Variants in ZMYM2 observed in about 807,000 individuals in gnomAD.
ZMYM2 encodes zinc finger MYM-type protein 2.
In ZMYM2, 56 loss-of-function variants were observed where a neutral mutation model predicts 162.8. The observed-to-expected ratio is 0.34, with a 90% CI of 0.28 to 0.43. The LOEUF is 0.43. Among genes scored for constraint, ZMYM2 ranks in the 20% least tolerant of loss-of-function variants. ZMYM2 has a pLI of 1.00. For missense variants in ZMYM2, 1,275 were observed against 1,621.8 expected, an observed-to-expected ratio of 0.79 and a Z score of 3.67; for synonymous variants, 510 against 541.6, an observed-to-expected ratio of 0.94 and a Z score of 0.81.
At chr13:20,043,163 A>G (rs879732341) in intron 12 of ZMYM2, among the ~76,000 whole-genome samples, 2 of 151,816 alleles carry the variant, frequency 1.3e-5, no homozygotes, top group Non-Finnish European at 2.9e-5. Flanking sequence ...GTGTGCTTTA[A>G]CTCCGGGGTA....
intron 9 of ZMYM2, among the ~76,000 whole-genome samples, chr13:20,029,148 G>A (rs183652498): frequency 2.0e-5 from 3 of 152,288 alleles, no homozygotes; most frequent in Admixed American, 6.5e-5. Context: ...CTCATAGTCC[G>A]GAGGTTAGTA....
intron 21 of ZMYM2, among the ~76,000 whole-genome samples, chr13:20,074,970 A>T (rs1258045534): frequency 2.0e-5 from 3 of 152,358 alleles, no homozygotes; most frequent in Non-Finnish European, 4.4e-5. Context: ...CAAAATTTTT[A>T]AAAATTGTGG....
chr13:20,052,732 T>G (rs1034070642), intron 14 of ZMYM2, among the ~76,000 whole-genome samples: 1 of 152,208 alleles, frequency 6.6e-6, no homozygotes, highest in Non-Finnish European at 1.5e-5. Flanking sequence ...AGTAGAAGAT[T>G]GCCAGATAGG....
upstream of ZMYM2, among the ~76,000 whole-genome samples, chr13:19,958,172 G>A (rs928454836): frequency 2.0e-5 from 3 of 152,214 alleles, no homozygotes; most frequent in Admixed American, 6.5e-5. Context: ...CCGCGGTCCC[G>A]AAAGCCCACT....
Position 20,006,412 on chromosome 13 carries a change from G to T in ZMYM2, c.1338G>T (p.Lys446Asn). ...HEVSFKNMTH[K>N]LCSDHCFNRY... The stretch of plus-strand genomic sequence containing the variant: ...TCAGCTTTAAAAATATGACTCATAA[G>T]CTGTGCAGTGACCACTGCTTTAATA... The change falls in exon 6 of 25, where the codon AAG (lysine) becomes AAT (asparagine). Residue 446 changes from lysine to asparagine, a missense_variant. Physicochemically the swap from Lys to Asn is moderately conservative, Grantham distance 94. This residue lies in a region of ZMYM2 where 276 missense variants were observed against 311.8 expected (regional missense o/e 0.89). Coordinates refer to ENST00000610343, the MANE Select transcript of ZMYM2 (RefSeq NM_197968.4). 1 of 1,602,966 alleles carries T rather than the reference G, an allele frequency of 6.2e-7. No individual in the cohort carries two copies. The highest frequency in any genetic ancestry group is 8.5e-7 in the Non-Finnish European group (1 of 1,174,174).
the ZMYM2 span, among the ~76,000 whole-genome samples, chr13:19,944,966 C>T: frequency 9.3e-5 from 14 of 151,194 alleles, no homozygotes; most frequent in Non-Finnish European, 1.8e-4. Context: ...CCACTGCGCC[C>T]GGCCCCTATT....
At chr13:20,064,345 C>T in intron 18 of ZMYM2, 106 bp from the exon 19 acceptor site, 1 of 862,356 alleles carries the variant, frequency 1.2e-6, no homozygotes, top group Non-Finnish European at 1.7e-6. Context: ...TAGATTGTCC[C>T]CATGTATGAA....
At chr13:19,971,775 T>C (rs1956357187) in intron 2 of ZMYM2, among the ~76,000 whole-genome samples, 1 of 151,982 alleles carries the variant, frequency 6.6e-6, no homozygotes, top group South Asian at 2.1e-4. Flanking sequence ...AAATTAAGAA[T>C]GATCTCCAGA....
chr13:20,074,238 G>GAGAGAC (rs1555330332), intron 21 of ZMYM2, among the ~76,000 whole-genome samples: 3 of 120,576 alleles, frequency 2.5e-5, no homozygotes, highest in African/African-American at 1.5e-4. Context: ...GTGTGTGTGT[G>GAGAGAC]AGAGAGACAG....
chr13:20,033,777 G>T (rs1476394601), intron 10 of ZMYM2, among the ~76,000 whole-genome samples: 1 of 152,200 alleles, frequency 6.6e-6, no homozygotes, highest in Non-Finnish European at 1.5e-5. Context: ...GCAGCACGCT[G>T]TGTGATGGCA....
chr13:20,030,619 C>G (rs915134898), intron 9 of ZMYM2, among the ~76,000 whole-genome samples: 2 of 152,102 alleles, frequency 1.3e-5, no homozygotes, highest in Non-Finnish European at 2.9e-5. Context: ...AGGATGGTCT[C>G]GATCTCCTGA....
At chr13:19,894,075 T>C in the ZMYM2 span, among the ~76,000 whole-genome samples, 2 of 151,892 alleles carry the variant, frequency 1.3e-5, no homozygotes, top group Non-Finnish European at 2.9e-5. Context: ...CACAATAAGG[T>C]ATAACCTCAT....
At chr13:20,018,916 C>G (rs1018094962) in intron 6 of ZMYM2, among the ~76,000 whole-genome samples, 3 of 152,006 alleles carry the variant, frequency 2.0e-5, no homozygotes, top group African/African-American at 7.2e-5. Context: ...CCTGTCTCTA[C>G]TAAAAATACA....
At chr13:19,917,250 C>T in the ZMYM2 span, among the ~76,000 whole-genome samples, 1 of 152,110 alleles carries the variant, frequency 6.6e-6, no homozygotes, top group African/African-American at 2.4e-5. Flanking sequence ...GCATGAGCCA[C>T]CACGCCCGGC....
intron 12 of ZMYM2, among the ~76,000 whole-genome samples, chr13:20,039,921 T>A (rs2140409562): frequency 6.6e-6 from 1 of 152,310 alleles, no homozygotes; most frequent in East Asian, 1.9e-4. Context: ...AAACTTGCCA[T>A]CCCAGTGATA....
At chr13:19,937,430 G>T in the ZMYM2 span, among the ~76,000 whole-genome samples, 4 of 148,502 alleles carry the variant, frequency 2.7e-5, no homozygotes, top group African/African-American at 9.9e-5. Context: ...GAGCCACTGC[G>T]CCCGGCCTAC....
intron 2 of ZMYM2, among the ~76,000 whole-genome samples, chr13:19,966,563 T>C (rs1177059011): frequency 2.0e-5 from 3 of 152,030 alleles, no homozygotes; most frequent in South Asian, 2.1e-4. Flanking sequence ...CAAGCGTTTC[T>C]CCTGCGTAGC....
chr13:19,928,091 G>A, the ZMYM2 span, among the ~76,000 whole-genome samples: 1 of 151,906 alleles, frequency 6.6e-6, no homozygotes, highest in African/African-American at 2.4e-5. Context: ...CTGCAGCCTC[G>A]ACTTTCCAGG....
intron 6 of ZMYM2, among the ~76,000 whole-genome samples, chr13:20,011,579 T>TTTTG (rs1951189021): frequency 7.4e-6 from 1 of 135,704 alleles, no homozygotes; most frequent in Non-Finnish European, 1.6e-5. Flanking sequence ...TTTTGTTTTA[T>TTTTG]TTTTTTTTTT....
Sources: allele counts gnomAD v4.1 joint callset (sites outside exome capture counted in the v4.1 genomes callset), GRCh38; gene constraint gnomAD v4.1.1; regional missense constraint gnomAD v4.1.1; transcripts MANE v1.5; gene names NCBI Gene and HGNC (gene_info 2026-07-23, HGNC 2026-07-21).